TRAP1: variants seen among roughly 807,000 people sequenced by gnomAD.
TRAP1 encodes heat shock protein 75 kDa, mitochondrial.
A neutral mutation model predicts 89.1 loss-of-function variants in TRAP1; 102 were observed. The observed-to-expected ratio is 1.15, with a 90% CI of 0.98 to 1.35. The LOEUF is 1.35. Among genes scored for constraint, TRAP1 ranks in the 40% most tolerant of loss-of-function variants. The pLI is 0.00. For synonymous variants in TRAP1, 508 were observed against 388.0 expected (o/e 1.31, Z -3.64); for missense variants, 1,256 against 945.3 (o/e 1.33, Z -4.31).
intron 11 of TRAP1, among the ~76,000 whole-genome samples, chr16:3,670,539 A>T (rs2050899815): frequency 6.6e-6 from 1 of 150,684 alleles, no homozygotes; most frequent in African/African-American, 2.5e-5. Flanking sequence ...CAACTCTACA[A>T]AAAAATACAA....
intron 10 of TRAP1, 143 bp from the exon 11 acceptor site, chr16:3,671,934 G>A (rs891173935): frequency 2.3e-6 from 2 of 861,482 alleles, no homozygotes; most frequent in Admixed American, 2.1e-5. Flanking sequence ...CGGCACTGCC[G>A]GAGCTTCCTC....
chr16:3,709,674 G>C (rs2051501229), intron 1 of TRAP1, among the ~76,000 whole-genome samples: 1 of 152,126 alleles, frequency 6.6e-6, no homozygotes. Flanking sequence ...GTGTGAGACG[G>C]AGTTTTCGCT....
intron 11 of TRAP1, among the ~76,000 whole-genome samples, chr16:3,666,560 T>TAA (rs35863772): frequency 6.8e-6 from 1 of 147,670 alleles, no homozygotes; most frequent in African/African-American, 2.5e-5. Flanking sequence ...TAAATGGCCA[T>TAA]AAAAAAAAAA....
At chr16:3,701,166 A>C (rs1051520731) in intron 1 of TRAP1, among the ~76,000 whole-genome samples, 2 of 152,220 alleles carry the variant, frequency 1.3e-5, no homozygotes, top group Admixed American at 6.5e-5. Context: ...AATATCAAGT[A>C]AAATACATTT....
At chr16:3,679,675 AC>A (rs1383768895) in intron 5 of TRAP1, 43 bp downstream of exon 5, 1 of 1,605,170 alleles carries the variant, frequency 6.2e-7, no homozygotes, top group South Asian at 1.1e-5. Flanking sequence ...GGATCCTTGC[AC>A]CCTGAGGGGA....
intron 1 of TRAP1, among the ~76,000 whole-genome samples, chr16:3,708,817 A>ATT (rs530522079): frequency 2.9e-5 from 4 of 136,074 alleles, no homozygotes; most frequent in Non-Finnish European, 1.6e-5. Context: ...CTCTGTCTCA[A>ATT]TTTTTTTTTT....
chr16:3,706,191 T>G (rs951406879), intron 1 of TRAP1, among the ~76,000 whole-genome samples: 1 of 152,116 alleles, frequency 6.6e-6, no homozygotes, highest in Non-Finnish European at 1.5e-5. Context: ...TGACCTCAAG[T>G]AATCCACCCA....
chr16:3,688,784 T>C (rs2051172472), intron 3 of TRAP1, among the ~76,000 whole-genome samples: 1 of 152,112 alleles, frequency 6.6e-6, no homozygotes, highest in African/African-American at 2.4e-5. Context: ...ACACCAGGCC[T>C]GTATTTCGGG....
chr16:3,673,785 G>T (rs138202802), intron 9 of TRAP1, among the ~76,000 whole-genome samples: 2 of 152,166 alleles, frequency 1.3e-5, no homozygotes, highest in East Asian at 3.9e-4. Context: ...GTCTCCTTAC[G>T]GCAGGATTTG....
chr16:3,675,094 G>A (rs986883769), intron 8 of TRAP1, among the ~76,000 whole-genome samples: 6 of 152,154 alleles, frequency 3.9e-5, no homozygotes, highest in Non-Finnish European at 7.4e-5. Context: ...TGGGATGGGC[G>A]TTACGCCTCA....
chr16:3,658,115 T>C lies in TRAP1; in HGVS notation c.*14A>G. On this transcript the variant is annotated 3_prime_UTR_variant, in exon 18 of 18. Coordinates refer to ENST00000246957, the MANE Select transcript of TRAP1 (RefSeq NM_016292.3). ...CTGTCATCTGTGGTGTCAGTCCTTC[T>C]GGCCCCCTGGCTGTCAGTGTCGCTC... is the stretch of plus-strand genomic sequence containing the variant. 6.2e-7 allele frequency: 1 copy of C among 1,613,554 alleles called. No homozygotes were observed. The highest frequency in any genetic ancestry group is 1.3e-5 in the African/African-American group (1 of 75,030).
chr16:3,708,216 C>T (rs1034292991), intron 1 of TRAP1, among the ~76,000 whole-genome samples: 12 of 151,242 alleles, frequency 7.9e-5, no homozygotes, highest in Non-Finnish European at 1.2e-4. Context: ...AATTTAGTGC[C>T]GTGGCTCACG....
chr16:3,713,686 C>T (rs958544837), intron 1 of TRAP1, among the ~76,000 whole-genome samples: 2 of 152,348 alleles, frequency 1.3e-5, no homozygotes, highest in Admixed American at 6.5e-5. Flanking sequence ...ATGACCAACC[C>T]GTCACCGTAC....
chr16:3,699,352 T>C (rs1596743443), intron 1 of TRAP1, among the ~76,000 whole-genome samples: 1 of 152,208 alleles, frequency 6.6e-6, no homozygotes, highest in Admixed American at 6.6e-5. Context: ...AAAAATTTTA[T>C]ACTGGCCAGG....
At chr16:3,716,271 T>G (rs1303272964) in intron 1 of TRAP1, among the ~76,000 whole-genome samples, 1 of 152,252 alleles carries the variant, frequency 6.6e-6, no homozygotes, top group Non-Finnish European at 1.5e-5. Context: ...TGATAAGGCC[T>G]TTTTGGACAA....
intron 4 of TRAP1, among the ~76,000 whole-genome samples, chr16:3,681,559 T>C (rs1436036562): frequency 6.6e-6 from 1 of 152,230 alleles, no homozygotes; most frequent in Non-Finnish European, 1.5e-5. Context: ...AGGTGCCGGT[T>C]TGAATAGTCC....
In TRAP1 at chr16:3,658,366, T is replaced by G. The variant is rs538076270; in HGVS notation, c.2014-136A>C. The G allele has an allele frequency of 8.0e-5, 55 of 686,802 alleles. No homozygotes were observed. The African/African-American group carries it at 8.7e-4, about 11-fold the overall frequency. The allele number at this position is 686,802 out of a possible 1,614,324, so 42.5% of individuals were successfully genotyped here. A position where few individuals can be genotyped will look rare whatever the true frequency, so the allele number is the denominator to read the frequency against. ...CTCGGCTCACTGCAACCTCAGGTGA[T>G]CCCCCCGCCTCCCAAAGTGCTGGGA... On this transcript the variant is annotated intron_variant, in intron 17 of 17. Transcript: ENST00000246957.
intron 11 of TRAP1, among the ~76,000 whole-genome samples, chr16:3,668,767 A>G (rs555193568): frequency 6.6e-6 from 1 of 152,104 alleles, no homozygotes; most frequent in African/African-American, 2.4e-5. Context: ...GAGCAGGACC[A>G]CCCCTCTGTG....
intron 3 of TRAP1, chr16:3,687,222 G>C (rs2051149827): frequency 6.6e-6 from 1 of 152,092 alleles, no homozygotes; most frequent in Admixed American, 6.5e-5. Context: ...AGATCTGACA[G>C]TTTTTTGGGG....
Sources: allele counts gnomAD v4.1 joint callset (sites outside exome capture counted in the v4.1 genomes callset), GRCh38; gene constraint gnomAD v4.1.1; transcripts MANE v1.5; gene names NCBI Gene and HGNC (gene_info 2026-07-23, HGNC 2026-07-21).